Variants in ANKMY1 observed in about 807,000 individuals in gnomAD.
ANKMY1 encodes the protein ankyrin repeat and MYND domain containing 1.
Under a neutral mutation model 102.0 loss-of-function variants are expected in ANKMY1, and 98 were observed. That is an observed-to-expected ratio of 0.96 (90% CI 0.82 to 1.14). The LOEUF (loss-of-function observed/expected upper bound fraction) is 1.14, where lower values mean the gene tolerates loss of function less well. Among genes scored for constraint, ANKMY1 ranks in the 50% most tolerant of loss-of-function variants. The pLI is 0.00. For synonymous variants in ANKMY1, 582 were observed against 559.9 expected (o/e 1.04, Z -0.56); for missense variants, 1,330 against 1,347.6 (o/e 0.99, Z 0.20).
At chr2:240,516,149 G>C (rs2081166038) in intron 9 of ANKMY1, among the ~76,000 whole-genome samples, 1 of 100,300 alleles carries the variant, frequency 1.0e-5, no homozygotes, top group Non-Finnish European at 2.1e-5. Flanking sequence ...GTTTTTGTGG[G>C]GTTTTTTTTT....
intron 16 of ANKMY1, among the ~76,000 whole-genome samples, chr2:240,481,413 T>A (rs1006489982): frequency 6.6e-6 from 1 of 152,162 alleles, no homozygotes; most frequent in Non-Finnish European, 1.5e-5. Context: ...ACACACACGA[T>A]GGTGCGGAAC....
Position 240,520,815 on chromosome 2 carries a change from CACA to C in ANKMY1, c.1833-285_1833-283del, listed in dbSNP as rs1160188041. Among the ~76,000 whole-genome samples, 1 of 151,306 alleles carries C rather than the reference CACA, an allele frequency of 6.6e-6. No individual in the cohort carries two copies. Among genetic ancestry groups the C allele is most frequent in the African/African-American group, 2.4e-5 (1 of 41,126 alleles). On this transcript the variant is annotated intron_variant, in intron 8 of 17. Coordinates refer to ENST00000401804, the MANE Select transcript of ANKMY1 (RefSeq NM_001282771.3). The surrounding 1 kb of genome is among the most constrained non-coding windows in gnomAD (Gnocchi z 4.8). ...AGCACACCACACAGTACACACAGCA[CACA>C]ACCCCACACACAAGCCACACCAGAG...
rs2079172039 is a variant in ANKMY1, at chr2:240,506,921, C to G, written c.2526+639G>C. On this transcript the variant is annotated intron_variant, in intron 13 of 17. Coordinates refer to ENST00000401804, the MANE Select transcript of ANKMY1 (RefSeq NM_001282771.3). The surrounding 1 kb of genome is among the most constrained non-coding windows in gnomAD (Gnocchi z 4.9). ...GGTGTCTCCAGCGCGGGCAGGATTT[C>G]CCGACTGTGAGCTTCCACCTAAGAA... is the stretch of plus-strand genomic sequence containing the variant. 6.6e-6 allele frequency among the ~76,000 whole-genome samples: 1 copy of G among 152,084 alleles called. No individual in the cohort carries two copies. Among genetic ancestry groups the G allele is most frequent in the African/African-American group, 2.4e-5 (1 of 41,412 alleles).
chr2:240,469,205 G>A, the ANKMY1 span, among the ~76,000 whole-genome samples: 2 of 152,184 alleles, frequency 1.3e-5, no homozygotes, highest in African/African-American at 4.8e-5. Context: ...TTGAACCTGG[G>A]CAAATGCATC....
chr2:240,472,226 C>T, the ANKMY1 span, among the ~76,000 whole-genome samples: 4,046 of 143,560 alleles, frequency 0.028, 40 homozygotes, highest in South Asian at 0.057. Flanking sequence ...CCTACCAATC[C>T]ACGGCCGCAC....
chr2:240,536,356 A>AACAGTTTCTTT (rs2086743084), intron 4 of ANKMY1, among the ~76,000 whole-genome samples: 1 of 152,218 alleles, frequency 6.6e-6, no homozygotes, highest in Non-Finnish European at 1.5e-5. Context: ...ACTGAGCTGA[A>AACAGTTTCTTT]GGCTGTTTCT....
chr2:240,475,014 T>G (rs569794280), downstream of ANKMY1, among the ~76,000 whole-genome samples: 3 of 152,372 alleles, frequency 2.0e-5, no homozygotes, highest in Non-Finnish European at 2.9e-5. Context: ...CTTTCCACAA[T>G]GGCTGAACTA....
At position 240,481,084 on chromosome 2, in the gene ANKMY1, TGAA is replaced by T; in HGVS notation, c.2896_2898del (p.Phe966del). On this transcript the variant is annotated inframe_deletion, in exon 17 of 18. Coordinates refer to ENST00000401804, the MANE Select transcript of ANKMY1 (RefSeq NM_001282771.3). ...GAGCGGCCACACTGGTAGCAGAACT[TGAA>T]GAAGGGAATTCTGCAACAGAGCCTC... 1 of 1,609,774 alleles carries T rather than the reference TGAA, an allele frequency of 6.2e-7. No individual in the cohort carries two copies.
At chr2:240,527,714 T>C (rs1233404244) in intron 5 of ANKMY1, 1 of 152,292 alleles carries the variant, frequency 6.6e-6, no homozygotes, top group Non-Finnish European at 1.5e-5. Context: ...GAATGGATAT[T>C]GCATGCATGA....
chr2:240,530,973 A>G (rs1387435696), intron 4 of ANKMY1, among the ~76,000 whole-genome samples: 2 of 152,144 alleles, frequency 1.3e-5, no homozygotes, highest in African/African-American at 4.8e-5. Flanking sequence ...TGTTAAGAAA[A>G]GTGAAAAGGT....
chr2:240,523,758 ACATT>A, intron 8 of ANKMY1, 123 bp downstream of exon 8: 1 of 1,400,216 alleles, frequency 7.1e-7, no homozygotes. Context: ...GGATGCTCAC[ACATT>A]CAGACACACA....
chr2:240,530,476 T>C (rs560694273), intron 4 of ANKMY1, among the ~76,000 whole-genome samples: 1 of 152,310 alleles, frequency 6.6e-6, no homozygotes, highest in South Asian at 2.1e-4. Flanking sequence ...CACTTGCTCC[T>C]GCTCCCACCA....
chr2:240,531,755 G>C (rs1434780031), intron 4 of ANKMY1, among the ~76,000 whole-genome samples: 1 of 152,112 alleles, frequency 6.6e-6, no homozygotes, highest in African/African-American at 2.4e-5. Flanking sequence ...CTATAAAGGA[G>C]CTGGAAAAAA....
chr2:240,524,189 C>A lies in ANKMY1; in HGVS notation c.1528G>T (p.Gly510Trp), dbSNP rs752676722. The change falls in exon 8 of 18, where the codon GGG (glycine) becomes TGG (tryptophan). Residue 510 changes from glycine to tryptophan, a missense_variant. Coordinates refer to ENST00000401804, the MANE Select transcript of ANKMY1 (RefSeq NM_001282771.3). Reference sequence around the variant, plus strand: ...CTGCTCCTGTGGTCTATGGACCCCCCACACTGCCCGGTGTCCTGGAAGTGG... The same window carrying A: ...CTGCTCCTGTGGTCTATGGACCCCCAACACTGCCCGGTGTCCTGGAAGTGG... ...GGHFQDTGQC[G>W]GSIDHRSSSL... 8 of 1,613,924 alleles carry A rather than the reference C, an allele frequency of 5.0e-6. No homozygotes were observed. Among genetic ancestry groups the A allele is most frequent in the South Asian group, 2.2e-5 (2 of 91,090 alleles).
intron 4 of ANKMY1, among the ~76,000 whole-genome samples, chr2:240,543,766 T>C (rs1486261734): frequency 2.0e-5 from 3 of 152,152 alleles, no homozygotes; most frequent in Non-Finnish European, 4.4e-5. Context: ...GGGGAACTTT[T>C]TGTGTAATTT....
In ANKMY1 at chr2:240,512,895, C is replaced by G. The variant is rs2080508221; in HGVS notation, c.2052G>C (p.Glu684Asp). 1.2e-6 allele frequency: 2 copies of G among 1,614,032 alleles called. No homozygotes were observed. Among genetic ancestry groups the G allele is most frequent in the East Asian group, 4.5e-5 (2 of 44,884 alleles). ...GCAGCTCCACAATCTGTACCCCCTCCTCCCCAGGAAGGGCGGCAGCGATGT... is the reference window on the plus strand; with the variant it reads ...GCAGCTCCACAATCTGTACCCCCTCGTCCCCAGGAAGGGCGGCAGCGATGT... ...PLHIAAALPG[E>D]EGVQIVELLL... Residue 684 changes from glutamate to aspartate, a missense_variant, in exon 10 of 18, where the codon GAG becomes GAC. By Grantham distance (45) the Glu-to-Asp change is conservative. Transcript: ENST00000401804.
At chr2:240,509,485 G>T in intron 11 of ANKMY1, 30 bp from the exon 12 acceptor site, 1 of 1,514,696 alleles carries the variant, frequency 6.6e-7, no homozygotes, top group Non-Finnish European at 9.1e-7. Flanking sequence ...AGGTTAGAGA[G>T]GCACCCCCAC....
At chr2:240,498,463 G>A (rs2077574601) in intron 15 of ANKMY1, among the ~76,000 whole-genome samples, 1 of 96,980 alleles carries the variant, frequency 1.0e-5, no homozygotes, top group Non-Finnish European at 2.3e-5. Context: ...GTGGGTAGGT[G>A]TGCAGACAGC....
chr2:240,478,703 C>G (rs1437424418), downstream of ANKMY1, among the ~76,000 whole-genome samples: 2 of 148,416 alleles, frequency 1.3e-5, no homozygotes, highest in Non-Finnish European at 3.0e-5. Flanking sequence ...GCATGGAGCC[C>G]ATCTTTGGCG....
Sources: gnomAD v4.1 joint callset for allele counts (sites outside exome capture counted in the v4.1 genomes callset) on GRCh38, gnomAD v4.1.1 for gene constraint, Gnocchi (gnomAD v3.1) non-coding constraint, MANE v1.5 for transcripts, NCBI Gene and HGNC (gene_info 2026-07-23, HGNC 2026-07-21) for gene names.